Variants in IRAK1BP1 observed in about 807,000 individuals in gnomAD.
The protein encoded by IRAK1BP1 is interleukin 1 receptor associated kinase 1 binding protein 1, also known as interleukin-1 receptor-associated kinase 1-binding protein 1.
IRAK1BP1 carries 24 observed loss-of-function variants against 28.0 expected under a neutral mutation model. The ratio of observed to expected loss-of-function variants is 0.86; its 90% CI spans 0.62 to 1.20. IRAK1BP1 has a LOEUF of 1.20. IRAK1BP1 is among the 50% of genes most tolerant of loss of function. The pLI is 0.00. For missense variants in IRAK1BP1, 336 were observed against 316.7 expected (o/e 1.06, Z -0.46); for synonymous variants, 131 against 116.3 (o/e 1.13, Z -0.81).
the IRAK1BP1 span, among the ~76,000 whole-genome samples, chr6:78,960,143 A>C: frequency 1.3e-5 from 2 of 152,174 alleles, no homozygotes; most frequent in African/African-American, 2.4e-5. Flanking sequence ...GTTTCTACTG[A>C]ATTCATATCC....
exon 5 of IRAK1BP1, chr6:78,945,458 G>C: frequency 6.2e-7 from 1 of 1,610,526 alleles, no homozygotes; most frequent in Non-Finnish European, 8.5e-7. Context: ...ACTGGAAAGA[G>C]TATTCAAAGC....
rs58792694 is a variant in IRAK1BP1 at position 78,909,011 on chromosome 6, T to A, written c.*67+5901T>A. Among the ~76,000 whole-genome samples the A allele has an allele frequency of 6.2e-3, 939 of 152,160 alleles. 11 individuals are homozygous for A. The highest frequency in any genetic ancestry group is 0.021 in the African/African-American group (884 of 41,506). ...GCATTAGAACGTTGATCAGAAACTG[T>A]GAGGAGTAATAGCATGAAAGGCCAG... On this transcript the variant is annotated intron_variant and NMD_transcript_variant, in intron 4 of 4. Transcript: ENST00000606868.
intron 2 of IRAK1BP1, among the ~76,000 whole-genome samples, chr6:78,896,874 G>A (rs1236158812): frequency 6.6e-6 from 1 of 151,784 alleles, no homozygotes; most frequent in African/African-American, 2.4e-5. Flanking sequence ...CATTGTATAA[G>A]GTGAGGTTAT....
chr6:78,893,316 ATATATATATATATAT>A (rs1771744190), intron 2 of IRAK1BP1, among the ~76,000 whole-genome samples: 5 of 34,590 alleles, frequency 1.4e-4, no homozygotes, highest in African/African-American at 6.1e-4. Flanking sequence ...GTGTGTGTGT[ATATATATATATATAT>A]ATATATATAT....
In IRAK1BP1 at chr6:78,898,365, CT is replaced by C; in HGVS notation, c.*36del. 1 of 1,171,228 alleles carries C rather than the reference CT, an allele frequency of 8.5e-7. No homozygotes were observed. Among genetic ancestry groups the C allele is most frequent in the Non-Finnish European group, 1.1e-6 (1 of 871,582 alleles). 72.6% of individuals were successfully genotyped at this position (1,171,228 alleles called of 1,614,324 possible). A position where few individuals can be genotyped will look rare whatever the true frequency, so the allele number is the denominator to read the frequency against. ...CAAACAAATTATATTGTACTTGTAT[CT>C]TTTTACCTATTTTTATACTTTTTAT... On this transcript the variant is annotated 3_prime_UTR_variant, in exon 4 of 4. Transcript: ENST00000369940.
intron 1 of IRAK1BP1, among the ~76,000 whole-genome samples, chr6:78,878,708 A>G (rs1638339108): frequency 6.6e-6 from 1 of 152,202 alleles, no homozygotes; most frequent in Non-Finnish European, 1.5e-5. Context: ...TCTCCGACCT[A>G]AAAGAGGATG....
Position 78,945,508 on chromosome 6 carries a change from C to G in IRAK1BP1, c.*168C>G, listed in dbSNP as rs113314374. On this transcript the variant is annotated 3_prime_UTR_variant and NMD_transcript_variant, in exon 5 of 5. Transcript: ENST00000606868. ...CAGAATTCTCTAGTACTAAAACATA[C>G]AAACAAAATTTAAAAATTAAGAGTT... 33 of 1,521,388 alleles carry G rather than the reference C, an allele frequency of 2.2e-5. No homozygotes were observed. The African/African-American group carries it at 3.7e-4, about 17-fold the overall frequency. The allele number at this position is 1,521,388 out of a possible 1,614,324, so 94.2% of individuals were successfully genotyped here.
intron 1 of IRAK1BP1, among the ~76,000 whole-genome samples, 194 bp downstream of exon 1, chr6:78,868,085 G>T (rs960488882): frequency 2.0e-5 from 3 of 152,228 alleles, no homozygotes; most frequent in African/African-American, 7.2e-5. Context: ...TCTCCTAGAC[G>T]AAGGTAATTA....
At chr6:78,949,620 C>T (rs1306090063), downstream of IRAK1BP1, among the ~76,000 whole-genome samples, 1 of 152,086 alleles carries the variant, frequency 6.6e-6, no homozygotes, top group Non-Finnish European at 1.5e-5. Flanking sequence ...CAACCAAAAC[C>T]TAGCACTTCC....
intron 4 of IRAK1BP1, among the ~76,000 whole-genome samples, chr6:78,921,447 C>G (rs1463356141): frequency 6.6e-6 from 1 of 152,218 alleles, no homozygotes; most frequent in Non-Finnish European, 1.5e-5. Context: ...TGGGTGGAGC[C>G]CACGGCAGCT....
At chr6:78,877,438 A>G (rs549920463) in intron 1 of IRAK1BP1, among the ~76,000 whole-genome samples, 1 of 152,340 alleles carries the variant, frequency 6.6e-6, no homozygotes, top group Admixed American at 6.5e-5. Flanking sequence ...TAGAGAAGCA[A>G]GATAACTGTC....
At chr6:78,949,850 G>A (rs1016163494), downstream of IRAK1BP1, among the ~76,000 whole-genome samples, 22 of 152,032 alleles carry the variant, frequency 1.4e-4, no homozygotes, top group African/African-American at 2.4e-4. Flanking sequence ...CACTGCACCC[G>A]GTTAATTTTT....
chr6:78,907,172 G>C (rs1177584414), downstream of IRAK1BP1, among the ~76,000 whole-genome samples: 24 of 152,170 alleles, frequency 1.6e-4, no homozygotes, highest in Admixed American at 1.5e-3. Flanking sequence ...TAACTTTGCT[G>C]TGCAAATTAT....
chr6:78,959,876 C>A, the IRAK1BP1 span, among the ~76,000 whole-genome samples: 14 of 152,188 alleles, frequency 9.2e-5, no homozygotes, highest in Admixed American at 7.9e-4. Flanking sequence ...AAAATGCATG[C>A]GATATACTTA....
downstream of IRAK1BP1, among the ~76,000 whole-genome samples, chr6:78,947,282 T>C (rs1410148936): frequency 6.6e-6 from 1 of 152,202 alleles, no homozygotes. Context: ...AGTGTTAAAT[T>C]ATATTTTTAC....
chr6:78,897,662 TAAAG>T (rs575187036), intron 2 of IRAK1BP1, among the ~76,000 whole-genome samples, 163 bp from the exon 3 acceptor site: 40 of 152,122 alleles, frequency 2.6e-4, no homozygotes, highest in African/African-American at 5.1e-4. Flanking sequence ...GCAAAAATCT[TAAAG>T]AACAAAATAA....
At chr6:78,869,539 T>G (rs1378797420) in intron 1 of IRAK1BP1, among the ~76,000 whole-genome samples, 8 of 152,182 alleles carry the variant, frequency 5.3e-5, no homozygotes, top group Non-Finnish European at 1.0e-4. Flanking sequence ...GTAAATAAAT[T>G]AACTAAGTCC....
chr6:78,886,994 C>T (rs906528620), intron 2 of IRAK1BP1, among the ~76,000 whole-genome samples: 7 of 152,208 alleles, frequency 4.6e-5, no homozygotes, highest in African/African-American at 1.7e-4. Flanking sequence ...CACCAGCAGT[C>T]AGTGGAAACC....
At chr6:78,880,124 AAAAG>A (rs1391897004) in intron 1 of IRAK1BP1, among the ~76,000 whole-genome samples, 1 of 152,214 alleles carries the variant, frequency 6.6e-6, no homozygotes, top group East Asian at 1.9e-4. Context: ...CTTCTAGAAA[AAAAG>A]AAAAGGAGAA....
Sources: gnomAD v4.1 joint callset for allele counts (sites outside exome capture counted in the v4.1 genomes callset) on GRCh38, gnomAD v4.1.1 for gene constraint, MANE v1.5 for transcripts, NCBI Gene and HGNC (gene_info 2026-07-23, HGNC 2026-07-21) for gene names.